Variants in XIRP2 observed in about 807,000 individuals in gnomAD.
XIRP2 encodes the protein xin actin-binding repeat-containing protein 2.
In XIRP2, 236 loss-of-function variants were observed where a neutral mutation model predicts 277.0. The ratio of observed to expected loss-of-function variants is 0.85; its 90% CI spans 0.77 to 0.95. The LOEUF is 0.95. XIRP2 is among the 40% of genes least tolerant of loss of function. The pLI is 0.00. For missense variants in XIRP2, 4,640 were observed against 4,157.5 expected, an observed-to-expected ratio of 1.12 and a Z score of -3.19; for synonymous variants, 1,490 against 1,416.5, an observed-to-expected ratio of 1.05 and a Z score of -1.17.
chr2:167,142,570 A>T (rs1691751297), intron 3 of XIRP2, among the ~76,000 whole-genome samples: 1 of 151,994 alleles, frequency 6.6e-6, no homozygotes, highest in South Asian at 2.1e-4. Flanking sequence ...AAATAAAAAA[A>T]TAAAAAAAAA....
rs140992627 is a variant in XIRP2 at position 167,009,462 on chromosome 2, C to G, written c.408+105572C>G. ...GCCACATTTTCTTAATCCAGTGTAT[C>G]ATTGTCGGACATTGGGGTTGATTTC... On this transcript the variant is annotated intron_variant, in intron 2 of 10. Coordinates refer to ENST00000409195, the MANE Select transcript of XIRP2 (RefSeq NM_152381.6). Among the ~76,000 whole-genome samples, 928 of 152,034 alleles carry G rather than the reference C, an allele frequency of 6.1e-3. 79 individuals are homozygous for G. In the East Asian group the frequency reaches 0.16, roughly 26 times the overall value.
At chr2:167,022,730 G>A (rs1459417173) in intron 2 of XIRP2, among the ~76,000 whole-genome samples, 1 of 151,918 alleles carries the variant, frequency 6.6e-6, no homozygotes, top group Non-Finnish European at 1.5e-5. Flanking sequence ...GTAGTTTACT[G>A]AGAATGATGC....
At chr2:167,035,525 A>G (rs760463336) in intron 2 of XIRP2, among the ~76,000 whole-genome samples, 45 of 152,310 alleles carry the variant, frequency 3.0e-4, no homozygotes, top group Non-Finnish European at 4.9e-4. Context: ...GATTTAGGGT[A>G]TCTGGTAGAA....
At chr2:167,093,401 G>C (rs1216498531) in intron 2 of XIRP2, among the ~76,000 whole-genome samples, 17 of 151,862 alleles carry the variant, frequency 1.1e-4, no homozygotes. Flanking sequence ...ATGTGCCCTG[G>C]TGGTTTGCTG....
intron 2 of XIRP2, among the ~76,000 whole-genome samples, chr2:167,054,691 A>C (rs1311949504): frequency 2.0e-5 from 3 of 151,790 alleles, no homozygotes; most frequent in African/African-American, 7.3e-5. Context: ...CGCAAAAAAA[A>C]AAAAAAAGGA....
At chr2:167,110,481 G>A (rs957107232) in intron 2 of XIRP2, among the ~76,000 whole-genome samples, 28 of 152,142 alleles carry the variant, frequency 1.8e-4, no homozygotes, top group African/African-American at 6.0e-4. Context: ...ATGGTTGTAG[G>A]TGTGCAACCT....
rs766692755 is a variant in XIRP2 at position 167,259,002 on chromosome 2, A to G, written c.*1185A>G. On this transcript the variant is annotated 3_prime_UTR_variant, in exon 11 of 11. Transcript: ENST00000409195. ...AGTTCAATCATCTCTCCTGATACAA[A>G]TCTCTTAAACATTAAAGGAAGCCAT... is the stretch of plus-strand genomic sequence containing the variant. 6.2e-7 allele frequency: 1 copy of G among 1,610,738 alleles called. No individual in the cohort carries two copies. The highest frequency in any genetic ancestry group is 8.5e-7 in the Non-Finnish European group (1 of 1,178,062).
intron 2 of XIRP2, among the ~76,000 whole-genome samples, chr2:166,998,964 A>T (rs761182331): frequency 6.6e-6 from 1 of 152,202 alleles, no homozygotes; most frequent in African/African-American, 2.4e-5. Flanking sequence ...ATATTAAGGT[A>T]ATTAAATCCT....
rs764559830 is a variant in XIRP2, at chr2:167,259,197, A to C, written c.*1380A>C. ...TTTGGAAAGGATGTTAAACCTTGGC[A>C]TGTTGAAACAACAGAAGCTGCCCGC... On this transcript the variant is annotated 3_prime_UTR_variant, in exon 11 of 11. Transcript: ENST00000409195. The C allele has an allele frequency of 6.2e-7, 1 of 1,613,550 alleles. No homozygotes were observed. The highest frequency in any genetic ancestry group is 1.3e-5 in the African/African-American group (1 of 74,980).
At chr2:167,204,741 T>G (rs1040637092) in intron 3 of XIRP2, among the ~76,000 whole-genome samples, 6 of 152,224 alleles carry the variant, frequency 3.9e-5, no homozygotes, top group African/African-American at 1.4e-4. Flanking sequence ...CCCATCAGTG[T>G]TCTTTATTGA....
At position 166,952,001 on chromosome 2, in the gene XIRP2, C is replaced by A. The variant is rs1002778067; in HGVS notation, c.408+48111C>A. Among the ~76,000 whole-genome samples, 3 of 152,014 alleles carry A rather than the reference C, an allele frequency of 2.0e-5. No homozygotes were observed. The South Asian group carries it at 6.2e-4, about 31-fold the overall frequency. On this transcript the variant is annotated intron_variant, in intron 2 of 10. Coordinates refer to ENST00000409195, the MANE Select transcript of XIRP2 (RefSeq NM_152381.6). ...GTGTAGGCCATTTAGCCCCTGTGTG[C>A]TTCAGTTGCTTCATCTATAACAGGA...
chr2:167,123,019 G>A (rs1691099755), intron 2 of XIRP2, among the ~76,000 whole-genome samples: 1 of 152,102 alleles, frequency 6.6e-6, no homozygotes, highest in Non-Finnish European at 1.5e-5. Context: ...TAATAAAATT[G>A]ACTGGAATGC....
At chr2:167,253,362 C>T (rs977572382) in intron 9 of XIRP2, among the ~76,000 whole-genome samples, 20 of 151,578 alleles carry the variant, frequency 1.3e-4, no homozygotes, top group African/African-American at 4.4e-4. Context: ...TAAGCAGATG[C>T]GAGAATCCAA....
At chr2:167,254,228 T>C in intron 10 of XIRP2, 63 bp downstream of exon 10, 2 of 1,526,290 alleles carry the variant, frequency 1.3e-6, no homozygotes, top group South Asian at 1.3e-5. Context: ...TATAGCCTCA[T>C]ATCTCTAGGA....
chr2:166,904,909 C>T lies in XIRP2; in HGVS notation c.408+1019C>T, dbSNP rs561422563. On this transcript the variant is annotated intron_variant, in intron 2 of 10. Transcript: ENST00000409195. ...ACAGAAATAGAATATTTTTGAAAAT[C>T]AATTATTTTACTAATTCTTGCTTCC... Among the ~76,000 whole-genome samples, 3 of 152,040 alleles carry T rather than the reference C, an allele frequency of 2.0e-5. No homozygotes were observed. In the East Asian group the frequency reaches 5.8e-4, roughly 29 times the overall value.
At chr2:167,180,017 A>G (rs930332218) in intron 3 of XIRP2, among the ~76,000 whole-genome samples, 3 of 152,234 alleles carry the variant, frequency 2.0e-5, no homozygotes, top group African/African-American at 7.2e-5. Context: ...GTTGTCTACA[A>G]ATAGAGTTAT....
chr2:167,209,548 C>G (rs979034448), intron 3 of XIRP2, among the ~76,000 whole-genome samples: 1 of 151,906 alleles, frequency 6.6e-6, no homozygotes, highest in African/African-American at 2.4e-5. Context: ...AGAGCCCTAC[C>G]CTGTAAGTCC....
intron 1 of XIRP2, among the ~76,000 whole-genome samples, chr2:166,896,174 C>A (rs1684237338): frequency 6.6e-6 from 1 of 152,104 alleles, no homozygotes; most frequent in African/African-American, 2.4e-5. Flanking sequence ...GGAAAAACAT[C>A]CCTATTGCCC....
At chr2:166,908,589 T>G (rs1175561274) in intron 2 of XIRP2, among the ~76,000 whole-genome samples, 1 of 152,176 alleles carries the variant, frequency 6.6e-6, no homozygotes, top group African/African-American at 2.4e-5. Context: ...GATGGTAGTT[T>G]CTTTTGCTGT....
Sources: gnomAD v4.1 joint callset for allele counts (sites outside exome capture counted in the v4.1 genomes callset) on GRCh38, gnomAD v4.1.1 for gene constraint, MANE v1.5 for transcripts, NCBI Gene and HGNC (gene_info 2026-07-23, HGNC 2026-07-21) for gene names.